The following HABP2 variants were observed in gnomAD, a reference collection of about 807,000 sequenced individuals.
The protein encoded by HABP2 is hyaluronan binding protein 2, also known as factor VII-activating protease.
In HABP2, 65 loss-of-function variants were observed where a neutral mutation model predicts 66.5. The ratio of observed to expected loss-of-function variants is 0.98; its 90% confidence interval spans 0.80 to 1.20. The LOEUF (loss-of-function observed/expected upper bound fraction) is 1.20, where lower values mean the gene tolerates loss of function less well. Ranked by LOEUF, HABP2 falls within the 50% of genes most tolerant of loss-of-function variation. The pLI is 0.00. For missense variants in HABP2, 786 were observed against 691.0 expected, an observed-to-expected ratio of 1.14 and a Z score of -1.54; for synonymous variants, 263 against 253.9, an observed-to-expected ratio of 1.04 and a Z score of -0.34.
At chr10:113,583,847 A>AC (rs941113899) in intron 10 of HABP2, among the ~76,000 whole-genome samples, 7 of 151,460 alleles carry the variant, frequency 4.6e-5, no homozygotes, top group African/African-American at 9.7e-5. Flanking sequence ...TTCATGAGAC[A>AC]CCCCCCCACC....
chr10:113,564,974 G>A (rs1845171736), intron 1 of HABP2, among the ~76,000 whole-genome samples: 1 of 152,022 alleles, frequency 6.6e-6, no homozygotes, highest in Non-Finnish European at 1.5e-5. Context: ...AGCCTCCCGA[G>A]TAGCTAGGAC....
chr10:113,568,291 AG>A (rs1845237747), intron 2 of HABP2, among the ~76,000 whole-genome samples: 1 of 152,254 alleles, frequency 6.6e-6, no homozygotes, highest in Non-Finnish European at 1.5e-5. Flanking sequence ...CCACTGGTAG[AG>A]ATCTATGCTG....
At chr10:113,552,730 A>C (rs1844919345), upstream of HABP2, among the ~76,000 whole-genome samples, 1 of 152,210 alleles carries the variant, frequency 6.6e-6, no homozygotes, top group South Asian at 2.1e-4. Context: ...ACAAATCAGC[A>C]CTGGCAGAGG....
At position 113,588,207 on chromosome 10, in the gene HABP2, T is replaced by G. The variant is rs150332191; in HGVS notation, c.1521T>G (p.Gly507=). 5 of 1,600,536 alleles carry G rather than the reference T, an allele frequency of 3.1e-6. No individual in the cohort carries two copies. The highest frequency in any genetic ancestry group is 2.7e-5 in the African/African-American group (2 of 74,348). ...GCTTATGCCTCTGTTTCCCTTAGGG[T>G]GACTCTGGAGGCCCCCTGACCTGTG... ...LQKPGQDTCQ[G]DSGGPLTCEK... is the part of the protein sequence containing the mutation. Residue 507 remains glycine (G), a splice_region_variant and synonymous_variant, in exon 13 of 13, where the codon GGT becomes GGG. Transcript: ENST00000351270.
rs1845371592 is a variant in HABP2, at chr10:113,574,411, T to C, written c.223+6T>C. 5.8e-6 allele frequency: 8 copies of C among 1,383,624 alleles called. No homozygotes were observed. Among genetic ancestry groups the C allele is most frequent in the Non-Finnish European group, 8.3e-6 (8 of 968,672 alleles). The allele number at this position is 1,383,624 out of a possible 1,614,324, so 85.7% of individuals were successfully genotyped here. A position where few individuals can be genotyped will look rare whatever the true frequency, so the allele number is the denominator to read the frequency against. The stretch of plus-strand genomic sequence containing the variant: ...CTACACTGAGGACCAAGCTGGTAGG[T>C]ACCAAATCTCTTTCAGGGACTCTCC... On this transcript the variant is annotated splice_donor_region_variant and intron_variant, in intron 3 of 12. Transcript: ENST00000351270.
At chr10:113,572,760 TG>T in intron 2 of HABP2, 1 of 446,962 alleles carries the variant, frequency 2.2e-6, no homozygotes, top group South Asian at 1.6e-5. Context: ...ATTTTCATAG[TG>T]GGGAAAAGCA....
intron 6 of HABP2, 66 bp downstream of exon 6, chr10:113,578,211 T>C (rs1845449258): frequency 6.4e-7 from 1 of 1,554,904 alleles, no homozygotes; most frequent in Non-Finnish European, 8.8e-7. Context: ...CTCTGGGTTT[T>C]GTTGCCAGAA....
chr10:113,587,330 C>T (rs1447711489), intron 12 of HABP2, among the ~76,000 whole-genome samples: 2 of 128,028 alleles, frequency 1.6e-5, no homozygotes, highest in Non-Finnish European at 3.4e-5. Flanking sequence ...AAAACAAAAA[C>T]AAACAAACAA....
intron 12 of HABP2, among the ~76,000 whole-genome samples, chr10:113,586,820 C>T (rs576667495): frequency 1.3e-5 from 2 of 152,262 alleles, no homozygotes; most frequent in South Asian, 2.1e-4. Context: ...GGAGCCTCCC[C>T]GTACAAAGGA....
At chr10:113,553,410 G>T (rs956264870) in intron 1 of HABP2, among the ~76,000 whole-genome samples, 11 of 152,258 alleles carry the variant, frequency 7.2e-5, no homozygotes, top group Non-Finnish European at 7.3e-5. Context: ...TTGGAGCGGA[G>T]CCTCCATGAA....
chr10:113,584,250 G>T lies in HABP2; in HGVS notation c.1340G>T (p.Cys447Phe). 6.2e-7 allele frequency: 1 copy of T among 1,614,006 alleles called. No individual in the cohort carries two copies. The highest frequency in any genetic ancestry group is 8.5e-7 in the Non-Finnish European group (1 of 1,179,864). ...GGGTCCTTTCCCTCTGGGAGTGAGT[G>T]CCACATCTCTGGCTGGGGTGTTACA... ...PDGSFPSGSE[C>F]HISGWGVTET... Residue 447 changes from cysteine to phenylalanine, a missense_variant, in exon 11 of 13, where the codon TGC (cysteine) becomes TTC (phenylalanine). Transcript: ENST00000351270.
At chr10:113,562,893 G>A (rs1845125805) in intron 1 of HABP2, among the ~76,000 whole-genome samples, 1 of 152,110 alleles carries the variant, frequency 6.6e-6, no homozygotes, top group Non-Finnish European at 1.5e-5. Flanking sequence ...CAGCTTCCTG[G>A]TCCCTCACAA....
chr10:113,585,046 G>A (rs1227794654), intron 11 of HABP2, among the ~76,000 whole-genome samples: 2 of 152,154 alleles, frequency 1.3e-5, no homozygotes, highest in South Asian at 2.1e-4. Context: ...CGAGAATCAC[G>A]ATAAATAAGT....
chr10:113,577,959 T>C, intron 5 of HABP2, 67 bp from the exon 6 acceptor site: 1 of 1,578,200 alleles, frequency 6.3e-7, no homozygotes, highest in Non-Finnish European at 8.6e-7. Context: ...AATGTCTCCT[T>C]GTCATCTCAG....
intron 2 of HABP2, among the ~76,000 whole-genome samples, chr10:113,573,022 T>G (rs1845342216): frequency 6.6e-6 from 1 of 152,232 alleles, no homozygotes; most frequent in Non-Finnish European, 1.5e-5. Flanking sequence ...TTAGGTAAAG[T>G]GCCATCCTCC....
Position 113,574,213 on chromosome 10 carries a change from T to G in HABP2, c.107-76T>G, listed in dbSNP as rs1845365335. On this transcript the variant is annotated intron_variant, in intron 2 of 12. Transcript: ENST00000351270. ...GACTTTGAATTCTTTGGGGAAAAGGTGTCCAACTAAATAAAATGCTGGCCT... is the reference window on the plus strand; with the variant it reads ...GACTTTGAATTCTTTGGGGAAAAGGGGTCCAACTAAATAAAATGCTGGCCT... The G allele has an allele frequency of 7.9e-6, 6 of 759,304 alleles. No homozygotes were observed. In the South Asian group the frequency reaches 9.3e-5, roughly 12 times the overall value. The allele number at this position is 759,304 out of a possible 1,614,324, so 47.0% of individuals were successfully genotyped here.
intron 9 of HABP2, among the ~76,000 whole-genome samples, chr10:113,582,367 A>G (rs976678593): frequency 1.3e-5 from 2 of 152,258 alleles, no homozygotes; most frequent in Non-Finnish European, 2.9e-5. Context: ...GCTGGAAGAC[A>G]AGCTGAGGAA....
chr10:113,578,519 A>G lies in HABP2; in HGVS notation c.569-108A>G, dbSNP rs1845456348. ...ATTCGTGGTGAAATCTCAGGGCGAT[A>G]AATATGCAGGTCCAGTTCTCTCACC... On this transcript the variant is annotated intron_variant, in intron 6 of 12. Coordinates refer to ENST00000351270, the MANE Select transcript of HABP2 (RefSeq NM_004132.5). 6 of 741,694 alleles carry G rather than the reference A, an allele frequency of 8.1e-6. No homozygotes were observed. In the East Asian group the frequency reaches 1.5e-4, roughly 18 times the overall value. 45.9% of individuals were successfully genotyped at this position (741,694 alleles called of 1,614,324 possible).
chr10:113,564,034 A>G (rs11196376), intron 1 of HABP2, among the ~76,000 whole-genome samples: 49,424 of 151,896 alleles, frequency 0.33, 9,347 homozygotes, highest in East Asian at 0.51. Context: ...AGACATACCC[A>G]AGACTGGGTA....
Sources: gnomAD v4.1 joint callset for allele counts (sites outside exome capture counted in the v4.1 genomes callset) on GRCh38, gnomAD v4.1.1 for gene constraint, MANE v1.5 for transcripts, NCBI Gene and HGNC (gene_info 2026-07-23, HGNC 2026-07-21) for gene names.